The following ADAMTSL1 variants were observed in gnomAD, a reference collection of about 807,000 sequenced individuals.
ADAMTSL1 encodes ADAMTS-like protein 1.
A neutral mutation model predicts 201.8 loss-of-function variants in ADAMTSL1; 126 were observed. The observed-to-expected ratio is 0.62, with a 90% CI of 0.54 to 0.72. The LOEUF (loss-of-function observed/expected upper bound fraction) is 0.72, where lower values mean the gene tolerates loss of function less well. Ranked by LOEUF, ADAMTSL1 falls within the 30% of genes least tolerant of loss-of-function variation. The pLI is 0.00. For missense variants in ADAMTSL1, 2,679 were observed against 2,277.8 expected, an observed-to-expected ratio of 1.18 and a Z score of -3.59; for synonymous variants, 1,121 against 903.4, an observed-to-expected ratio of 1.24 and a Z score of -4.32.
At chr9:18,336,384 T>G (rs1206095856) in intron 2 of ADAMTSL1, among the ~76,000 whole-genome samples, 1 of 151,622 alleles carries the variant, frequency 6.6e-6, no homozygotes, top group Non-Finnish European at 1.5e-5. Flanking sequence ...AGATCTAAGC[T>G]GAAGTGGAAA....
intron 2 of ADAMTSL1, among the ~76,000 whole-genome samples, chr9:18,391,850 AGCC>A (rs1838062522): frequency 1.9e-5 from 2 of 104,652 alleles, no homozygotes; most frequent in African/African-American, 3.6e-5. Context: ...TTTGAGATGG[AGCC>A]TCGCTCTGCA....
chr9:18,743,970 C>A (rs1430470257), intron 15 of ADAMTSL1, among the ~76,000 whole-genome samples: 2 of 152,180 alleles, frequency 1.3e-5, no homozygotes, highest in Non-Finnish European at 2.9e-5. Context: ...TCCTTAGAGA[C>A]TGAGCAGGGT....
At chr9:18,524,595 A>G (rs1220505562) in intron 2 of ADAMTSL1, among the ~76,000 whole-genome samples, 1 of 152,086 alleles carries the variant, frequency 6.6e-6, no homozygotes, top group Non-Finnish European at 1.5e-5. Flanking sequence ...AATAACTCTT[A>G]TTATTTTGAG....
In ADAMTSL1 at chr9:18,013,064, A is replaced by C. The variant is rs369606859; in HGVS notation, c.87+106142A>C. On this transcript the variant is annotated intron_variant, in intron 1 of 29. Transcript: ENST00000680146. Reference sequence around the variant, plus strand: ...TTATCTCCATTACCCTTAGATTTTAAGTATCATAAGGGTATTATTCCATAA... The same window carrying C: ...TTATCTCCATTACCCTTAGATTTTACGTATCATAAGGGTATTATTCCATAA... 3.3e-5 allele frequency among the ~76,000 whole-genome samples: 5 copies of C among 151,932 alleles called. No homozygotes were observed. In the East Asian group the frequency reaches 5.9e-4, roughly 18 times the overall value.
At chr9:18,723,052 GTTCT>G (rs781435109) in intron 15 of ADAMTSL1, 22 of 779,776 alleles carry the variant, frequency 2.8e-5, no homozygotes, top group Non-Finnish European at 5.0e-5. Context: ...CGCCTGCAAC[GTTCT>G]TTGTTAGGCA....
intron 19 of ADAMTSL1, among the ~76,000 whole-genome samples, chr9:18,785,796 C>G (rs765678719): frequency 9.9e-5 from 15 of 152,196 alleles, no homozygotes; most frequent in Non-Finnish European, 1.6e-4. Context: ...AAATCCAGTT[C>G]TAGAAACAAT....
chr9:18,259,694 T>C (rs13286848), intron 2 of ADAMTSL1, among the ~76,000 whole-genome samples: 7,124 of 152,198 alleles, frequency 0.047, 252 homozygotes, highest in Non-Finnish European at 0.075. Context: ...TTCCTAAATG[T>C]GCCAAACTCA....
intron 2 of ADAMTSL1, 86 bp downstream of exon 2, chr9:18,505,042 C>T (rs1823052485): frequency 1.4e-6 from 2 of 1,466,330 alleles, no homozygotes; most frequent in Non-Finnish European, 1.8e-6. Context: ...TTATGGAGAA[C>T]ATTTTGTGGC....
chr9:18,184,928 A>G (rs1274310672), intron 2 of ADAMTSL1, among the ~76,000 whole-genome samples: 1 of 152,234 alleles, frequency 6.6e-6, no homozygotes, highest in East Asian at 1.9e-4. Flanking sequence ...TTTTGGGTCT[A>G]TTGTTCTAAC....
intron 23 of ADAMTSL1, among the ~76,000 whole-genome samples, chr9:18,859,142 A>T (rs909783182): frequency 3.3e-5 from 5 of 152,230 alleles, no homozygotes; most frequent in African/African-American, 1.2e-4. Flanking sequence ...AACAAGACAC[A>T]TTTACTCTGT....
rs570583891 is a variant in ADAMTSL1, at chr9:18,905,788, G to A, written c.4858G>A (p.Gly1620Arg). The A allele has an allele frequency of 6.0e-5, 97 of 1,612,832 alleles. 3 individuals carry two copies. The South Asian group carries it at 1.0e-3, about 17-fold the overall frequency. ...ACCTTTTTCTGCTTTCCAGTGCAAT[G>A]GGCCTTGCATCGGGCCTCACCTAGC... ...WAFSSWGQCN[G>R]PCIGPHLAVQ... Residue 1620 changes from glycine to arginine, a missense_variant, in exon 27 of 29, where the codon GGG becomes AGG. Gly to Arg is a moderately radical substitution (Grantham distance 125). Coordinates refer to ENST00000380548, the MANE Select transcript of ADAMTSL1 (RefSeq NM_001040272.6).
chr9:18,737,336 A>AAAAAAG (rs1818567935), intron 15 of ADAMTSL1, among the ~76,000 whole-genome samples: 1 of 150,920 alleles, frequency 6.6e-6, no homozygotes, highest in African/African-American at 2.4e-5. Context: ...AAAAAAAAAA[A>AAAAAAG]AAAAAAAGTG....
intron 14 of ADAMTSL1, chr9:18,718,216 C>T: frequency 5.2e-6 from 4 of 770,970 alleles, no homozygotes; most frequent in Non-Finnish European, 9.6e-6. Context: ...TCATCAGTGT[C>T]TTTAACTCAA....
At chr9:18,638,155 T>G (rs1827215171) in intron 6 of ADAMTSL1, among the ~76,000 whole-genome samples, 1 of 152,028 alleles carries the variant, frequency 6.6e-6, no homozygotes, top group African/African-American at 2.4e-5. Context: ...CAGAAGAAAG[T>G]CTCCACAGAC....
chr9:18,366,889 T>C (rs946569426), intron 2 of ADAMTSL1, among the ~76,000 whole-genome samples: 6 of 152,170 alleles, frequency 3.9e-5, no homozygotes, highest in African/African-American at 1.4e-4. Context: ...AGTACTGGCA[T>C]GAGCCGCCAC....
At chr9:18,585,668 T>C (rs1376471051) in intron 4 of ADAMTSL1, among the ~76,000 whole-genome samples, 2 of 152,062 alleles carry the variant, frequency 1.3e-5, no homozygotes, top group African/African-American at 4.8e-5. Flanking sequence ...AAACTTCAGA[T>C]CAATATCCTT....
chr9:18,861,358 C>T (rs1383244927), intron 23 of ADAMTSL1, among the ~76,000 whole-genome samples: 1 of 152,154 alleles, frequency 6.6e-6, no homozygotes, highest in African/African-American at 2.4e-5. Context: ...TCCCAGGTTG[C>T]CTAAGGAGAC....
intron 23 of ADAMTSL1, among the ~76,000 whole-genome samples, chr9:18,842,071 T>C (rs1359798710): frequency 2.0e-5 from 3 of 151,630 alleles, no homozygotes; most frequent in Admixed American, 6.6e-5. Context: ...ATTTCTTGCC[T>C]TCTGCTAGCT....
At chr9:17,945,961 TATA>T (rs1383012618) in intron 1 of ADAMTSL1, among the ~76,000 whole-genome samples, 4 of 151,648 alleles carry the variant, frequency 2.6e-5, no homozygotes, top group Admixed American at 6.6e-5. Context: ...AAACTTAAAG[TATA>T]ATAATAATAA....
Sources: gnomAD v4.1 joint callset for allele counts (sites outside exome capture counted in the v4.1 genomes callset) on GRCh38, gnomAD v4.1.1 for gene constraint, MANE v1.5 for transcripts, NCBI Gene and HGNC (gene_info 2026-07-23, HGNC 2026-07-21) for gene names.